E2F3: variants seen among roughly 807,000 people sequenced by gnomAD.
E2F3 encodes the protein transcription factor E2F3.
In E2F3, 11 loss-of-function variants were observed where a neutral mutation model predicts 44.4. That is an observed-to-expected ratio of 0.25 (90% CI 0.16 to 0.41). The LOEUF (loss-of-function observed/expected upper bound fraction) is 0.41, where lower values mean the gene tolerates loss of function less well. Among genes scored for constraint, E2F3 ranks in the 10% least tolerant of loss-of-function variants. The pLI is 1.00. For synonymous variants in E2F3, 249 were observed against 253.0 expected, an observed-to-expected ratio of 0.98 and a Z score of 0.15; for missense variants, 487 against 583.6, an observed-to-expected ratio of 0.83 and a Z score of 1.70.
chr6:20,468,906 C>G (rs1761801734), intron 1 of E2F3, among the ~76,000 whole-genome samples: 1 of 152,160 alleles, frequency 6.6e-6, no homozygotes. Flanking sequence ...GGCATCAGCA[C>G]AGTGTATGCA....
chr6:20,492,744 A>AT lies in E2F3; in HGVS notation c.*2321dup. The AT allele has an allele frequency of 4.3e-6, 1 of 231,086 alleles. No individual in the cohort carries two copies. The highest frequency in any genetic ancestry group is 8.6e-6 in the Non-Finnish European group (1 of 116,450). 14.3% of individuals were successfully genotyped at this position (231,086 alleles called of 1,614,324 possible). A position where few individuals can be genotyped will look rare whatever the true frequency, so the allele number is the denominator to read the frequency against. On this transcript the variant is annotated 3_prime_UTR_variant, in exon 7 of 7. Coordinates refer to ENST00000346618, the MANE Select transcript of E2F3 (RefSeq NM_001949.5). ...TCTTAAAAGTTCCTTCATGCATAAG[A>AT]TTTTTTTCCAGTTACTGGGTTTAAC... is the stretch of plus-strand genomic sequence containing the variant.
At chr6:20,485,930 G>A (rs1345514516) in intron 4 of E2F3, among the ~76,000 whole-genome samples, 2 of 152,082 alleles carry the variant, frequency 1.3e-5, no homozygotes, top group Non-Finnish European at 2.9e-5. Context: ...GAAGTAACTG[G>A]AGTTTCAAAA....
At chr6:20,417,861 A>G (rs1406291666) in intron 1 of E2F3, among the ~76,000 whole-genome samples, 1 of 152,180 alleles carries the variant, frequency 6.6e-6, no homozygotes, top group East Asian at 1.9e-4. Flanking sequence ...GTTCTATTCG[A>G]AAAATATCTC....
chr6:20,488,376 A>G, intron 6 of E2F3, 128 bp downstream of exon 6: 1 of 1,150,392 alleles, frequency 8.7e-7, no homozygotes, highest in Non-Finnish European at 1.2e-6. Context: ...CATGTTTTAA[A>G]AGACATTCTG....
At chr6:20,487,053 AC>A (rs1332086317) in intron 5 of E2F3, among the ~76,000 whole-genome samples, 2 of 152,240 alleles carry the variant, frequency 1.3e-5, no homozygotes, top group Non-Finnish European at 2.9e-5. Context: ...TCCCTCTCAT[AC>A]TTTCTCTTTT....
At chr6:20,438,210 C>T (rs941503211) in intron 1 of E2F3, among the ~76,000 whole-genome samples, 1 of 152,154 alleles carries the variant, frequency 6.6e-6, no homozygotes, top group African/African-American at 2.4e-5. Flanking sequence ...CGTGAGGATT[C>T]ATTGTAATGG....
At position 20,431,610 on chromosome 6, in the gene E2F3, A is replaced by G. The variant is rs557227213; in HGVS notation, c.393+28985A>G. Among the ~76,000 whole-genome samples, 3 of 152,124 alleles carry G rather than the reference A, an allele frequency of 2.0e-5. No individual in the cohort carries two copies. In the South Asian group the frequency reaches 6.2e-4, roughly 32 times the overall value. ...AGAAAAGTTCCAGGGGGCATTCTGG[A>G]TGCTTCTTGGGAGGCCTCAGCAGAA... On this transcript the variant is annotated intron_variant, in intron 1 of 6. Coordinates refer to ENST00000346618, the MANE Select transcript of E2F3 (RefSeq NM_001949.5).
At chr6:20,436,450 G>GAAACAC in intron 1 of E2F3, among the ~76,000 whole-genome samples, 1 of 134,586 alleles carries the variant, frequency 7.4e-6, no homozygotes, top group East Asian at 2.1e-4. Context: ...GATGAGCTAG[G>GAAACAC]AAACACACAC....
chr6:20,462,222 GC>G (rs1354349326), intron 1 of E2F3, among the ~76,000 whole-genome samples: 3 of 152,120 alleles, frequency 2.0e-5, no homozygotes, highest in Non-Finnish European at 2.9e-5. Flanking sequence ...GCCCTCCCGT[GC>G]AGTCTCTTGT....
In E2F3 at chr6:20,479,875, C is replaced by G. The variant is rs760565923; in HGVS notation, c.423C>G (p.Ser141Arg). The G allele has an allele frequency of 1.2e-6, 2 of 1,612,298 alleles. No homozygotes were observed. Among genetic ancestry groups the G allele is most frequent in the African/African-American group, 2.7e-5 (2 of 74,882 alleles). ...PAKRRLELGE[S>R]GHQYLSDGLK... Reference sequence around the variant, plus strand: ...AGCGAAGGCTGGAGCTAGGAGAAAGCGGTCATCAGTACCTCTCAGATGGTT... The same window carrying G: ...AGCGAAGGCTGGAGCTAGGAGAAAGGGGTCATCAGTACCTCTCAGATGGTT... Residue 141 changes from serine to arginine, a missense_variant, in exon 2 of 7, where the codon AGC becomes AGG. Ser to Arg is a moderately radical substitution (Grantham distance 110). Coordinates refer to ENST00000346618, the MANE Select transcript of E2F3 (RefSeq NM_001949.5).
intron 1 of E2F3, among the ~76,000 whole-genome samples, chr6:20,455,021 G>A (rs188567422): frequency 7.9e-5 from 12 of 152,202 alleles, no homozygotes; most frequent in Non-Finnish European, 1.0e-4. Flanking sequence ...AATGTATATC[G>A]AAGTTAGTTT....
chr6:20,473,321 T>C lies in E2F3; in HGVS notation c.394-6525T>C, dbSNP rs1761950900. On this transcript the variant is annotated intron_variant, in intron 1 of 6. Transcript: ENST00000346618. The stretch of plus-strand genomic sequence containing the variant: ...TGAAGTAGTTATAAGCATGGACTTG[T>C]AGGTGTGCTTACTGGCTATAGAATC... Among the ~76,000 whole-genome samples, 3 of 152,228 alleles carry C rather than the reference T, an allele frequency of 2.0e-5. No individual in the cohort carries two copies. In the South Asian group the frequency reaches 6.2e-4, roughly 32 times the overall value.
intron 1 of E2F3, among the ~76,000 whole-genome samples, chr6:20,427,557 C>T (rs192825449): frequency 8.2e-4 from 125 of 152,286 alleles, no homozygotes; most frequent in Non-Finnish European, 7.1e-4. Flanking sequence ...AGGCCCCCTT[C>T]TGCTCAGACC....
intron 1 of E2F3, among the ~76,000 whole-genome samples, chr6:20,449,229 T>A (rs1370153056): frequency 6.6e-6 from 1 of 152,236 alleles, no homozygotes; most frequent in Non-Finnish European, 1.5e-5. Flanking sequence ...TATAAGAAGA[T>A]ACAATTTGAA....
At chr6:20,468,095 G>A (rs1208704937) in intron 1 of E2F3, among the ~76,000 whole-genome samples, 3 of 152,258 alleles carry the variant, frequency 2.0e-5, no homozygotes, top group African/African-American at 7.2e-5. Context: ...GACACCAGAT[G>A]TGTGGGGGGT....
At chr6:20,485,615 A>AT in intron 4 of E2F3, among the ~76,000 whole-genome samples, 1 of 152,270 alleles carries the variant, frequency 6.6e-6, no homozygotes, top group South Asian at 2.1e-4. Flanking sequence ...GAGTACTGAG[A>AT]TATTATACTT....
chr6:20,490,759 T>C lies in E2F3; in HGVS notation c.*329T>C, dbSNP rs1037546149. On this transcript the variant is annotated 3_prime_UTR_variant, in exon 7 of 7. Coordinates refer to ENST00000346618, the MANE Select transcript of E2F3 (RefSeq NM_001949.5). This position sits in a 1 kb window ranked among gnomAD's most constrained non-coding sequence, Gnocchi z 4.3. ...CTTCCTCCTTCCTCCCCGGATTGGC[T>C]TGCTGTGCCTGACGGATGGGCTGTA... is the stretch of plus-strand genomic sequence containing the variant. The C allele has an allele frequency of 4.0e-6, 1 of 250,038 alleles. No individual in the cohort carries two copies. The highest frequency in any genetic ancestry group is 7.7e-6 in the Non-Finnish European group (1 of 130,010). The allele number at this position is 250,038 out of a possible 1,614,324, so 15.5% of individuals were successfully genotyped here. A position where few individuals can be genotyped will look rare whatever the true frequency, so the allele number is the denominator to read the frequency against.
At position 20,460,996 on chromosome 6, in the gene E2F3, C is replaced by CAAA. The variant is rs61306918; in HGVS notation, c.394-18824_394-18822dup. 1.8e-4 allele frequency among the ~76,000 whole-genome samples: 10 copies of CAAA among 55,488 alleles called. 1 individual carries two copies. The highest frequency in any genetic ancestry group is 4.5e-4 in the African/African-American group (6 of 13,260). 36.4% of individuals were successfully genotyped at this position (55,488 alleles called of 152,430 possible). A position where few individuals can be genotyped will look rare whatever the true frequency, so the allele number is the denominator to read the frequency against. ...GGGAGACAGAGCAAGACTCTATCTCCAAAAAAAAAAAAAAAAAAAAAAAAA... is the reference window on the plus strand; with the variant it reads ...GGGAGACAGAGCAAGACTCTATCTCCAAAAAAAAAAAAAAAAAAAAAAAAAAAA... On this transcript the variant is annotated intron_variant, in intron 1 of 6. Transcript: ENST00000346618.
intron 1 of E2F3, among the ~76,000 whole-genome samples, chr6:20,456,124 G>A (rs1761301527): frequency 2.6e-5 from 4 of 151,902 alleles, no homozygotes; most frequent in East Asian, 1.9e-4. Flanking sequence ...ACCCAGAGAT[G>A]GTCAGAGTAA....
Sources: allele counts gnomAD v4.1 joint callset (sites outside exome capture counted in the v4.1 genomes callset), GRCh38; gene constraint gnomAD v4.1.1; non-coding constraint Gnocchi (gnomAD v3.1); transcripts MANE v1.5; gene names NCBI Gene and HGNC (gene_info 2026-07-23, HGNC 2026-07-21).